The following ZFPM1 variants were observed in gnomAD, a reference collection of about 807,000 sequenced individuals.
The protein encoded by ZFPM1 is zinc finger protein ZFPM1.
ZFPM1 carries 28 observed loss-of-function variants against 46.3 expected under a neutral mutation model. The ratio of observed to expected loss-of-function variants is 0.60; its 90% CI spans 0.45 to 0.83. The LOEUF is 0.83. Among genes scored for constraint, ZFPM1 ranks in the 40% least tolerant of loss-of-function variants. ZFPM1 has a pLI of 0.00. For missense variants in ZFPM1, 1,878 were observed against 1,432.4 expected, an observed-to-expected ratio of 1.31 and a Z score of -5.02; for synonymous variants, 957 against 675.9, an observed-to-expected ratio of 1.42 and a Z score of -6.45.
Position 88,534,989 on chromosome 16 carries a change from C to G in ZFPM1, c.*10C>G, listed in dbSNP as rs1334671247. On this transcript the variant is annotated 3_prime_UTR_variant, in exon 10 of 10. Transcript: ENST00000319555. ...CGAGCACGTGAAGTGAGCGCCCACA[C>G]TACAGCCGCAGACGCTTTGCACGCC... 7.1e-7 allele frequency: 1 copy of G among 1,403,582 alleles called. No homozygotes were observed. The highest frequency in any genetic ancestry group is 1.6e-5 in the South Asian group (1 of 63,312). The allele number at this position is 1,403,582 out of a possible 1,614,324, so 86.9% of individuals were successfully genotyped here.
At chr16:88,514,811 G>A (rs1911193761) in intron 4 of ZFPM1, among the ~76,000 whole-genome samples, 1 of 152,214 alleles carries the variant, frequency 6.6e-6, no homozygotes, top group African/African-American at 2.4e-5. Flanking sequence ...GAGGAGAAGA[G>A]CATTCAAGGG....
chr16:88,477,396 A>T (rs1908737826), intron 1 of ZFPM1, among the ~76,000 whole-genome samples: 1 of 152,260 alleles, frequency 6.6e-6, no homozygotes, highest in Admixed American at 6.5e-5. Flanking sequence ...AGACTGGGCC[A>T]GGTGGGGCCC....
rs1476108166 is a variant in ZFPM1 at position 88,534,628 on chromosome 16, C to T, written c.2670C>T (p.Val890=). 58 of 1,100,320 alleles carry T rather than the reference C, an allele frequency of 5.3e-5. No individual in the cohort carries two copies. Among genetic ancestry groups the T allele is most frequent in the Non-Finnish European group, 6.1e-5 (55 of 905,286 alleles). The allele number at this position is 1,100,320 out of a possible 1,614,324, so 68.2% of individuals were successfully genotyped here. Residue 890 remains valine, a synonymous_variant, in exon 10 of 10, where the codon GTC becomes GTT. Coordinates refer to ENST00000319555, the MANE Select transcript of ZFPM1 (RefSeq NM_153813.3). The part of the protein sequence containing the change: ...LLGAPLAGPG[V]EARTPADRGP... ...GCGCGCCCCTGGCCGGCCCGGGGGT[C>T]GAGGCCCGGACGCCGGCCGACCGCG...
intron 3 of ZFPM1, among the ~76,000 whole-genome samples, chr16:88,510,283 A>G (rs1035876793): frequency 2.6e-5 from 4 of 152,060 alleles, no homozygotes; most frequent in Admixed American, 6.5e-5. Flanking sequence ...AGGCACCCCC[A>G]AAAGGCCCTG....
In ZFPM1 at chr16:88,528,135, G is replaced by C. The variant is rs1912492996; in HGVS notation, c.609G>C (p.Lys203Asn). The change falls in exon 6 of 10, where the codon AAG becomes AAC. Residue 203 changes from lysine (K) to asparagine (N), a missense_variant. Transcript: ENST00000319555. ...ACAGCACCCCCGGCCACCCTGTGAAGAAGGAGCCAGCAGAGCCCACGTGCC... is the reference window on the plus strand; with the variant it reads ...ACAGCACCCCCGGCCACCCTGTGAACAAGGAGCCAGCAGAGCCCACGTGCC... ...EPHSTPGHPV[K>N]KEPAEPTCPA... 3.1e-6 allele frequency: 5 copies of C among 1,588,080 alleles called. No individual in the cohort carries two copies. The highest frequency in any genetic ancestry group is 1.6e-5 in the African/African-American group (1 of 64,200).
rs763875229 is a variant in ZFPM1, at chr16:88,532,049, C to T, written c.760C>T (p.Arg254Cys). 6.8e-6 allele frequency: 11 copies of T among 1,612,022 alleles called. No homozygotes were observed. Among genetic ancestry groups the T allele is most frequent in the South Asian group, 2.2e-5 (2 of 90,978 alleles). The change falls in exon 7 of 10, where the codon CGC (arginine) becomes TGC (cysteine). Residue 254 changes from arginine to cysteine, a missense_variant. Coordinates refer to ENST00000319555, the MANE Select transcript of ZFPM1 (RefSeq NM_153813.3). ...KDCGIWYRSE[R>C]NLQAHLLYYC... ...CTGTGGCATCTGGTACCGCAGCGAG[C>T]GCAACCTGCAGGCGCACCTGCTCTA...
At chr16:88,459,785 T>TCCTCCC (rs1285340358) in intron 1 of ZFPM1, among the ~76,000 whole-genome samples, 2 of 58,980 alleles carry the variant, frequency 3.4e-5, no homozygotes, top group Non-Finnish European at 6.4e-5. Flanking sequence ...CTTCCCCTCC[T>TCCTCCC]CCTCCCCCTC....
chr16:88,514,550 G>GCCCA (rs1911173316), intron 4 of ZFPM1, 30 bp downstream of exon 4: 2 of 907,296 alleles, frequency 2.2e-6, no homozygotes, highest in Non-Finnish European at 3.0e-6. Flanking sequence ...GCCCCTGCCC[G>GCCCA]CCCACCCCAA....
intron 2 of ZFPM1, among the ~76,000 whole-genome samples, chr16:88,487,649 C>A (rs1909308420): frequency 6.6e-6 from 1 of 152,178 alleles, no homozygotes; most frequent in Non-Finnish European, 1.5e-5. Context: ...CCCACCCCAG[C>A]ATTTCCCAGT....
chr16:88,507,684 G>T (rs1371224221), intron 3 of ZFPM1, among the ~76,000 whole-genome samples: 1 of 152,204 alleles, frequency 6.6e-6, no homozygotes. Flanking sequence ...TGTGGGCCTC[G>T]GGGAGAAGTG....
At chr16:88,475,516 G>A (rs1050952676) in intron 1 of ZFPM1, among the ~76,000 whole-genome samples, 1 of 151,978 alleles carries the variant, frequency 6.6e-6, no homozygotes, top group Non-Finnish European at 1.5e-5. Context: ...AGGGGTCCGG[G>A]GGGGGGAGCA....
Position 88,534,402 on chromosome 16 carries a change from A to G in ZFPM1, c.2444A>G (p.Asp815Gly). ...GGAGCCCCGGCACCGGCGCTGGCCG[A>G]CTACCACGAGTGCACGGCCTGCCGC... The part of the protein sequence containing the change: ...LPGAPAPALA[D>G]YHECTACRVS... The change falls in exon 10 of 10, where the codon GAC becomes GGC. Residue 815 changes from aspartate to glycine, a missense_variant. Transcript: ENST00000319555. 1 of 1,478,320 alleles carries G rather than the reference A, an allele frequency of 6.8e-7. No individual in the cohort carries two copies. The highest frequency in any genetic ancestry group is 2.3e-5 in the Admixed American group (1 of 44,206). 91.6% of individuals were successfully genotyped at this position (1,478,320 alleles called of 1,614,324 possible). A position where few individuals can be genotyped will look rare whatever the true frequency, so the allele number is the denominator to read the frequency against.
chr16:88,521,234 G>A (rs375502456), intron 4 of ZFPM1, among the ~76,000 whole-genome samples: 7 of 150,948 alleles, frequency 4.6e-5, no homozygotes, highest in African/African-American at 1.5e-4. Flanking sequence ...TGTTTCCCCC[G>A]CCTCCATGCT....
chr16:88,533,500 G>C lies in ZFPM1; in HGVS notation c.1542G>C (p.Val514=). 2 of 1,403,338 alleles carry C rather than the reference G, an allele frequency of 1.4e-6. No individual in the cohort carries two copies. The highest frequency in any genetic ancestry group is 1.8e-6 in the Non-Finnish European group (2 of 1,084,190). 86.9% of individuals were successfully genotyped at this position (1,403,338 alleles called of 1,614,324 possible). The change falls in exon 10 of 10, where the codon GTG becomes GTC. Residue 514 remains valine (V), a synonymous_variant. Transcript: ENST00000319555. ...LSSPTPGSSP[V]PGELGLAGAL... ...GCCCCACGCCGGGCTCCAGCCCGGTGCCCGGCGAGCTGGGCCTGGCCGGGG... is the reference window on the plus strand; with the variant it reads ...GCCCCACGCCGGGCTCCAGCCCGGTCCCCGGCGAGCTGGGCCTGGCCGGGG...
intron 4 of ZFPM1, among the ~76,000 whole-genome samples, chr16:88,515,206 C>A (rs1911223421): frequency 6.6e-6 from 1 of 152,220 alleles, no homozygotes; most frequent in African/African-American, 2.4e-5. Context: ...ACGTGTGGGG[C>A]TGCATCATGG....
rs759141180 is a variant in ZFPM1, at chr16:88,533,976, T to C, written c.2018T>C (p.Val673Ala). 3.8e-6 allele frequency: 5 copies of C among 1,332,014 alleles called. No homozygotes were observed. Among genetic ancestry groups the C allele is most frequent in the Non-Finnish European group, 4.9e-6 (5 of 1,024,168 alleles). 82.5% of individuals were successfully genotyped at this position (1,332,014 alleles called of 1,614,324 possible). ...SEGSQSPGSS[V>A]DDAEDDPSRT... ...GGCAGCCAGAGCCCGGGTAGCTCCG[T>C]GGACGACGCGGAGGACGACCCCAGC... Residue 673 changes from valine (V) to alanine (A), a missense_variant, in exon 10 of 10, where the codon GTG becomes GCG. Val to Ala is a moderately conservative substitution (Grantham distance 64). Transcript: ENST00000319555.
intron 2 of ZFPM1, among the ~76,000 whole-genome samples, chr16:88,487,777 C>T (rs1033272304): frequency 7.0e-4 from 107 of 152,306 alleles, no homozygotes; most frequent in African/African-American, 2.5e-3. Flanking sequence ...AGGCAGCAGG[C>T]CCTGGGGTCA....
chr16:88,494,107 A>G (rs1014055629), intron 3 of ZFPM1, among the ~76,000 whole-genome samples: 5 of 152,036 alleles, frequency 3.3e-5, no homozygotes, highest in Non-Finnish European at 5.9e-5. Context: ...GGCTGGAGTC[A>G]CTTCCCAGAC....
At position 88,469,716 on chromosome 16, in the gene ZFPM1, GTGTT is replaced by G. The variant is rs1359267609; in HGVS notation, c.40+16042_40+16045del. The stretch of plus-strand genomic sequence containing the variant: ...ACCTGAAAATCAGCCACAGGTGTGG[GTGTT>G]TGTCAAAAATGTGTAAGTGGAAAAT... On this transcript the variant is annotated intron_variant, in intron 1 of 9. Transcript: ENST00000319555. This position sits in a 1 kb window ranked among gnomAD's most constrained non-coding sequence, Gnocchi z 4.3. 8.5e-5 allele frequency among the ~76,000 whole-genome samples: 13 copies of G among 152,214 alleles called. No homozygotes were observed. The highest frequency in any genetic ancestry group is 7.9e-4 in the Admixed American group (12 of 15,280).
Sources: gnomAD v4.1 joint callset for allele counts (sites outside exome capture counted in the v4.1 genomes callset) on GRCh38, gnomAD v4.1.1 for gene constraint, Gnocchi (gnomAD v3.1) non-coding constraint, MANE v1.5 for transcripts, NCBI Gene and HGNC (gene_info 2026-07-23, HGNC 2026-07-21) for gene names.